The following HSF2BP variants were observed in gnomAD, a reference collection of about 807,000 sequenced individuals.
HSF2BP encodes heat shock factor 2-binding protein.
Under a neutral mutation model 35.0 loss-of-function variants are expected in HSF2BP, and 35 were observed. The observed-to-expected ratio is 1.00, with a 90% CI of 0.76 to 1.32. The LOEUF (loss-of-function observed/expected upper bound fraction) is 1.32. HSF2BP is among the 40% of genes most tolerant of loss of function. The probability of loss-of-function intolerance (pLI) is 0.00; values close to 1 mark genes in which losing one functional copy is unlikely to be tolerated. For synonymous variants in HSF2BP, 114 were observed against 117.4 expected (o/e 0.97, Z 0.18); for missense variants, 326 against 321.7 (o/e 1.01, Z -0.10).
At chr21:43,638,229 A>C (rs1159630946) in intron 4 of HSF2BP, among the ~76,000 whole-genome samples, 1 of 152,172 alleles carries the variant, frequency 6.6e-6, no homozygotes, top group East Asian at 1.9e-4. Context: ...AGACCAAGGC[A>C]GGCGGATCAC....
rs1357359998 is a variant in HSF2BP at position 43,658,166 on chromosome 21, CG to C, written c.-71del. ...CTCTGACCCCTCACGCCAGAAAGCG[CG>C]GGAACGAATCCACGCCGGGGGTCGG... On this transcript the variant is annotated 5_prime_UTR_variant, in exon 2 of 9. Coordinates refer to ENST00000291560, the MANE Select transcript of HSF2BP (RefSeq NM_007031.2). The C allele has an allele frequency of 2.1e-5, 31 of 1,444,368 alleles. No homozygotes were observed. The East Asian group carries it at 7.6e-4, about 35-fold the overall frequency. 89.5% of individuals were successfully genotyped at this position (1,444,368 alleles called of 1,614,324 possible). A position where few individuals can be genotyped will look rare whatever the true frequency, so the allele number is the denominator to read the frequency against.
intron 7 of HSF2BP, among the ~76,000 whole-genome samples, chr21:43,599,675 T>A (rs1390607402): frequency 6.6e-6 from 1 of 151,744 alleles, no homozygotes; most frequent in Non-Finnish European, 1.5e-5. Flanking sequence ...ACACCTGTAG[T>A]CCCAGCTACT....
At chr21:43,602,232 C>G (rs1375913407) in intron 7 of HSF2BP, among the ~76,000 whole-genome samples, 1 of 152,236 alleles carries the variant, frequency 6.6e-6, no homozygotes, top group African/African-American at 2.4e-5. Context: ...ACACTTAGTT[C>G]TAAAAGGCTG....
In HSF2BP at chr21:43,629,292, G is replaced by A. The variant is rs144031409; in HGVS notation, c.574+1030C>T. Among the ~76,000 whole-genome samples, 1,343 of 152,244 alleles carry A rather than the reference G, an allele frequency of 8.8e-3. 9 individuals are homozygous for A. The highest frequency in any genetic ancestry group is 0.011 in the Non-Finnish European group (716 of 68,018). ...AAGAATATTCATGATTCAGCCAAGC[G>A]CAGTGGCTCATGCCTATAATCCCAG... On this transcript the variant is annotated intron_variant, in intron 6 of 8. Coordinates refer to ENST00000291560, the MANE Select transcript of HSF2BP (RefSeq NM_007031.2).
chr21:43,582,259 TGCCTGCTGAGGGGGATGAAG>T (rs2081759226), intron 8 of HSF2BP, among the ~76,000 whole-genome samples: 2 of 16,922 alleles, frequency 1.2e-4, no homozygotes, highest in African/African-American at 3.1e-4. Context: ...GGGAGATGAG[TGCCTGCTGAGGGGGATGAAG>T]GCCTGCTGAG....
At chr21:43,612,264 ACT>A (rs1214174667) in intron 7 of HSF2BP, among the ~76,000 whole-genome samples, 9 of 152,268 alleles carry the variant, frequency 5.9e-5, no homozygotes, top group African/African-American at 2.2e-4. Context: ...GAAAATCTCA[ACT>A]CTCATGGGAA....
At chr21:43,467,893 C>CACCACACACACCA in the HSF2BP span, among the ~76,000 whole-genome samples, 1 of 75,172 alleles carries the variant, frequency 1.3e-5, no homozygotes, top group African/African-American at 5.0e-5. Flanking sequence ...ACACACCACA[C>CACCACACACACCA]ACCACACACA....
intron 3 of HSF2BP, among the ~76,000 whole-genome samples, chr21:43,649,915 A>C (rs2082759918): frequency 6.6e-6 from 1 of 152,206 alleles, no homozygotes; most frequent in Admixed American, 6.5e-5. Flanking sequence ...GTTTAATTAG[A>C]AAGTGTCTTC....
At chr21:43,654,830 G>A (rs2082843707) in intron 3 of HSF2BP, among the ~76,000 whole-genome samples, 1 of 152,238 alleles carries the variant, frequency 6.6e-6, no homozygotes, top group African/African-American at 2.4e-5. Flanking sequence ...GAGAAGCCAT[G>A]GGGTGAGGCA....
the HSF2BP span, among the ~76,000 whole-genome samples, chr21:43,458,206 C>T: frequency 1.7e-5 from 1 of 60,486 alleles, no homozygotes; most frequent in Non-Finnish European, 3.2e-5. Context: ...TCAACCACCA[C>T]AAAGCTGCCC....
chr21:43,652,201 G>A (rs2082796352), intron 3 of HSF2BP, among the ~76,000 whole-genome samples: 4 of 151,874 alleles, frequency 2.6e-5, no homozygotes, highest in South Asian at 4.2e-4. Context: ...TCAGGAGATC[G>A]AGACCAGCGT....
chr21:43,594,733 G>A (rs1016188077), intron 7 of HSF2BP, among the ~76,000 whole-genome samples: 2 of 151,938 alleles, frequency 1.3e-5, no homozygotes, highest in African/African-American at 4.8e-5. Context: ...GAGGGAGACA[G>A]GGAGGGAGGA....
At chr21:43,621,867 A>G (rs1438484484) in intron 6 of HSF2BP, among the ~76,000 whole-genome samples, 1 of 152,138 alleles carries the variant, frequency 6.6e-6, no homozygotes, top group Non-Finnish European at 1.5e-5. Context: ...TACACAGACA[A>G]CCCCAGAATA....
At chr21:43,645,004 G>A (rs1038101223) in intron 3 of HSF2BP, among the ~76,000 whole-genome samples, 5 of 152,108 alleles carry the variant, frequency 3.3e-5, no homozygotes, top group African/African-American at 9.7e-5. Context: ...AAAAATCCAC[G>A]TCAATAAATC....
In HSF2BP at chr21:43,633,281, A is replaced by C; in HGVS notation, c.432T>G (p.Ile144Met). The C allele has an allele frequency of 1.2e-6, 2 of 1,612,162 alleles. No homozygotes were observed. Among genetic ancestry groups the C allele is most frequent in the Non-Finnish European group, 1.7e-6 (2 of 1,179,486 alleles). The change falls in exon 5 of 9, where the codon ATT (isoleucine) becomes ATG (methionine). Residue 144 changes from isoleucine (I) to methionine (M), a missense_variant. By Grantham distance (10) the Ile-to-Met change is conservative. Transcript: ENST00000291560. ...CACTGACCATACTTACTCCTCCCAAAATGGCCTTGACGACTTCCTCACTGC... is the reference window on the plus strand; with the variant it reads ...CACTGACCATACTTACTCCTCCCAACATGGCCTTGACGACTTCCTCACTGC... ...VSSSEEVVKA[I>M]LGGDKALKFF...
rs200583466 is a variant in HSF2BP at position 43,644,319 on chromosome 21, G to A, written c.261C>T (p.Thr87=). 490 of 1,613,860 alleles carry A rather than the reference G, an allele frequency of 3.0e-4. No homozygotes were observed. Among genetic ancestry groups the A allele is most frequent in the Non-Finnish European group, 2.7e-4 (313 of 1,179,876 alleles). ...TCTCTCTTATGTTGTCGGCCTGCAC[G>A]GTTTCCAGGCGGGCTTTAAAGTGCT... ...DCEHFKARLE[T]VQADNIREKK... The change falls in exon 4 of 9, where the codon ACC becomes ACT. Residue 87 remains threonine (T), a synonymous_variant. Transcript: ENST00000291560.
At position 43,644,253 on chromosome 21, in the gene HSF2BP, T is replaced by G. The variant is rs769817143; in HGVS notation, c.291+36A>C. 3 of 1,515,564 alleles carry G rather than the reference T, an allele frequency of 2.0e-6. No homozygotes were observed. The African/African-American group carries it at 4.1e-5, about 21-fold the overall frequency. 93.9% of individuals were successfully genotyped at this position (1,515,564 alleles called of 1,614,324 possible). A position where few individuals can be genotyped will look rare whatever the true frequency, so the allele number is the denominator to read the frequency against. On this transcript the variant is annotated intron_variant, in intron 4 of 8. Transcript: ENST00000291560. ...GAAAGGCTGTAAGCCAGCCCCACTT[T>G]CTGGCTTGGTGAGAGTCTGTCCCTG...
At chr21:43,634,902 T>G (rs1298026557) in intron 4 of HSF2BP, among the ~76,000 whole-genome samples, 1 of 152,210 alleles carries the variant, frequency 6.6e-6, no homozygotes, top group East Asian at 1.9e-4. Context: ...GAATTCTAGC[T>G]TTTCTCACAA....
chr21:43,619,943 T>C (rs1363032778), intron 6 of HSF2BP, among the ~76,000 whole-genome samples: 1 of 152,240 alleles, frequency 6.6e-6, no homozygotes, highest in Non-Finnish European at 1.5e-5. Context: ...ACTGCCGGGT[T>C]ATCCTCTTTG....
Sources: gnomAD v4.1 joint callset for allele counts (sites outside exome capture counted in the v4.1 genomes callset) on GRCh38, gnomAD v4.1.1 for gene constraint, MANE v1.5 for transcripts, NCBI Gene and HGNC (gene_info 2026-07-23, HGNC 2026-07-21) for gene names.